CERS3: variants seen among roughly 807,000 people sequenced by gnomAD.
The protein encoded by CERS3 is ceramide synthase 3.
CERS3 carries 33 observed loss-of-function variants against 50.3 expected under a neutral mutation model. That is an observed-to-expected ratio of 0.66 (90% confidence interval 0.50 to 0.88). The LOEUF is 0.88. Among genes scored for constraint, CERS3 ranks in the 40% least tolerant of loss-of-function variants. CERS3 has a pLI of 0.00. For missense variants in CERS3, 470 were observed against 460.3 expected, an observed-to-expected ratio of 1.02 and a Z score of -0.19; for synonymous variants, 176 against 155.2, an observed-to-expected ratio of 1.13 and a Z score of -0.99.
intron 11 of CERS3, among the ~76,000 whole-genome samples, chr15:100,434,503 C>A (rs905391678): frequency 8.6e-5 from 13 of 150,422 alleles, no homozygotes; most frequent in African/African-American, 3.2e-4. Flanking sequence ...CTTTTACCCA[C>A]ATCTACACAC....
At chr15:100,431,687 C>T (rs978226613) in intron 11 of CERS3, among the ~76,000 whole-genome samples, 1 of 152,154 alleles carries the variant, frequency 6.6e-6, no homozygotes, top group Non-Finnish European at 1.5e-5. Flanking sequence ...TCTTGTAGAT[C>T]TCAGCCTAGG....
intron 5 of CERS3, among the ~76,000 whole-genome samples, chr15:100,481,102 A>G (rs1395914407): frequency 2.0e-5 from 3 of 152,196 alleles, no homozygotes; most frequent in African/African-American, 4.8e-5. Flanking sequence ...TCCTTGACAC[A>G]CCTGTAAGAT....
At chr15:100,453,032 G>T (rs1256726670) in intron 11 of CERS3, among the ~76,000 whole-genome samples, 1 of 151,808 alleles carries the variant, frequency 6.6e-6, no homozygotes, top group African/African-American at 2.4e-5. Context: ...AAAAGTCCAG[G>T]TCCAGATAGC....
At chr15:100,461,069 C>G (rs1437195659) in intron 10 of CERS3, among the ~76,000 whole-genome samples, 1 of 152,094 alleles carries the variant, frequency 6.6e-6, no homozygotes, top group Admixed American at 6.6e-5. Context: ...CCTTGCAAGT[C>G]AGGGTGGAGG....
chr15:100,453,153 G>T (rs1262335515), intron 11 of CERS3, among the ~76,000 whole-genome samples: 1 of 150,872 alleles, frequency 6.6e-6, no homozygotes, highest in Admixed American at 6.6e-5. Context: ...CATTCTACAA[G>T]GCCAGCGTTA....
chr15:100,413,510 GACTATACTATACTAT>G (rs56261519), intron 11 of CERS3, among the ~76,000 whole-genome samples: 2,527 of 149,740 alleles, frequency 0.017, 41 homozygotes, highest in Middle Eastern at 0.031. Context: ...CACAACTGAC[GACTATACTATACTAT>G]ACTATACTAT....
chr15:100,418,952 A>G (rs2032185144), intron 11 of CERS3, among the ~76,000 whole-genome samples: 1 of 137,198 alleles, frequency 7.3e-6, no homozygotes, highest in Non-Finnish European at 1.6e-5. Context: ...GGAAAGGAAC[A>G]ACCAGTACCA....
intron 11 of CERS3, among the ~76,000 whole-genome samples, chr15:100,420,531 G>A (rs1280405203): frequency 6.6e-6 from 1 of 152,008 alleles, no homozygotes; most frequent in African/African-American, 2.4e-5. Context: ...CATTCCTTCT[G>A]AAACTATTCC....
At chr15:100,406,458 CA>C (rs2031032112) in intron 11 of CERS3, among the ~76,000 whole-genome samples, 1 of 152,128 alleles carries the variant, frequency 6.6e-6, no homozygotes, top group Non-Finnish European at 1.5e-5. Flanking sequence ...TTTGAAAAAC[CA>C]AAGTGCCCAC....
chr15:100,542,554 T>C (rs1311824010), intron 1 of CERS3, among the ~76,000 whole-genome samples: 2 of 152,196 alleles, frequency 1.3e-5, no homozygotes, highest in African/African-American at 2.4e-5. Context: ...GCTAATACTA[T>C]GTAAAGTAAA....
At chr15:100,502,253 A>AG (rs2036030178) in intron 2 of CERS3, among the ~76,000 whole-genome samples, 1 of 35,536 alleles carries the variant, frequency 2.8e-5, no homozygotes, top group African/African-American at 9.4e-5. Context: ...CAAAAAAAGA[A>AG]AAAAAAAAAA....
At chr15:100,416,454 CTGTG>C (rs1169048685) in intron 11 of CERS3, among the ~76,000 whole-genome samples, 5 of 152,190 alleles carry the variant, frequency 3.3e-5, no homozygotes, top group African/African-American at 1.2e-4. Context: ...TATTTGCAAA[CTGTG>C]TATTAGTCCG....
At chr15:100,513,823 CTTT>C (rs2036420358) in intron 2 of CERS3, among the ~76,000 whole-genome samples, 1 of 152,082 alleles carries the variant, frequency 6.6e-6, no homozygotes, top group African/African-American at 2.4e-5. Flanking sequence ...TGTCAAAGTT[CTTT>C]TTTTAGCCTT....
chr15:100,538,826 T>G (rs12442265), intron 1 of CERS3, among the ~76,000 whole-genome samples: 76,406 of 152,016 alleles, frequency 0.5, 19,510 homozygotes, highest in South Asian at 0.6. Context: ...CAGAAAATAG[T>G]TTTTTCTTTT....
At chr15:100,414,762 T>C (rs566946937) in intron 11 of CERS3, among the ~76,000 whole-genome samples, 3 of 150,102 alleles carry the variant, frequency 2.0e-5, no homozygotes, top group Admixed American at 1.3e-4. Context: ...TCTTTACACC[T>C]TATACAAAAA....
chr15:100,506,714 G>A (rs1221093738), intron 2 of CERS3, among the ~76,000 whole-genome samples: 5 of 152,174 alleles, frequency 3.3e-5, no homozygotes, highest in African/African-American at 7.2e-5. Flanking sequence ...TTCCATTTAC[G>A]TGAAATGTCC....
intron 11 of CERS3, among the ~76,000 whole-genome samples, chr15:100,409,432 GA>G (rs2031304712): frequency 8.4e-6 from 1 of 119,090 alleles, no homozygotes; most frequent in South Asian, 2.6e-4. Flanking sequence ...CTAATCAGCT[GA>G]AATCAAAAGA....
chr15:100,407,407 G>T (rs2031128136), intron 11 of CERS3, among the ~76,000 whole-genome samples: 2 of 152,226 alleles, frequency 1.3e-5, no homozygotes, highest in Non-Finnish European at 2.9e-5. Context: ...GATGTTTAGG[G>T]AGCAAAGGCT....
chr15:100,539,640 T>C (rs2037152765), intron 1 of CERS3, among the ~76,000 whole-genome samples: 1 of 152,296 alleles, frequency 6.6e-6, no homozygotes, highest in East Asian at 1.9e-4. Context: ...AAGAGCATGA[T>C]TCAGTTACTT....
Sources: gnomAD v4.1 joint callset for allele counts (sites outside exome capture counted in the v4.1 genomes callset) on GRCh38, gnomAD v4.1.1 for gene constraint, MANE v1.5 for transcripts, NCBI Gene and HGNC (gene_info 2026-07-23, HGNC 2026-07-21) for gene names.